Variants in TMC1 observed in about 807,000 individuals in gnomAD.
TMC1 encodes transmembrane channel-like protein 1.
Under a neutral mutation model 105.8 loss-of-function variants are expected in TMC1, and 84 were observed. The observed-to-expected ratio is 0.79, with a 90% CI of 0.67 to 0.95. The LOEUF is 0.95. Ranked by LOEUF, TMC1 falls within the 40% of genes least tolerant of loss-of-function variation. The pLI is 0.00. For missense variants in TMC1, 817 were observed against 914.1 expected, an observed-to-expected ratio of 0.89 and a Z score of 1.37; for synonymous variants, 315 against 311.5, an observed-to-expected ratio of 1.01 and a Z score of -0.12.
rs11361430 is a variant in TMC1, at chr9:72,741,110, CTT to C, written c.453+912_453+913del. The C allele has an allele frequency of 1.3e-3, 193 of 151,268 alleles. 5 individuals are homozygous for C. The East Asian group carries it at 0.019, about 15-fold the overall frequency. 9.4% of individuals were successfully genotyped at this position (151,268 alleles called of 1,614,324 possible). A position where few individuals can be genotyped will look rare whatever the true frequency, so the allele number is the denominator to read the frequency against. ...TGGGCTGTTTCTAGTTATGAGTAAT[CTT>C]TTTTTTTTTTGTTCATTTTTAAAAT... On this transcript the variant is annotated intron_variant, in intron 9 of 23. Coordinates refer to ENST00000297784, the MANE Select transcript of TMC1 (RefSeq NM_138691.3).
At position 72,816,165 on chromosome 9, in the gene TMC1, T is replaced by A; in HGVS notation, c.1718T>A (p.Ile573Asn). The A allele has an allele frequency of 1.2e-6, 2 of 1,613,560 alleles. No individual in the cohort carries two copies. The highest frequency in any genetic ancestry group is 2.2e-5 in the South Asian group (2 of 91,080). ...YGYPSYTEFD[I>N]SGNVLALIFN... ...TAGCCTTCATACACCGAATTCGACA[T>A]CAGTGGCAACGTCCTCGCTCTGATC... The change falls in exon 19 of 24, where the codon ATC becomes AAC. Residue 573 changes from isoleucine to asparagine, a missense_variant. Transcript: ENST00000297784.
intron 8 of TMC1, among the ~76,000 whole-genome samples, chr9:72,719,696 A>G (rs1341115031): frequency 2.6e-5 from 4 of 152,194 alleles, no homozygotes; most frequent in Non-Finnish European, 5.9e-5. Context: ...GGGGGCTGCA[A>G]TTTAGTCCTG....
intron 2 of TMC1, among the ~76,000 whole-genome samples, chr9:72,595,309 C>T (rs954484076): frequency 9.9e-5 from 15 of 152,168 alleles, no homozygotes; most frequent in African/African-American, 3.1e-4. Flanking sequence ...TCATAGACCC[C>T]GACCAGCCTA....
intron 6 of TMC1, among the ~76,000 whole-genome samples, chr9:72,689,760 C>G (rs190070600): frequency 6.5e-4 from 99 of 152,146 alleles, no homozygotes; most frequent in Non-Finnish European, 9.9e-4. Flanking sequence ...TATAGCCACC[C>G]CTGTTCTTTT....
At chr9:72,749,736 C>T (rs925096876) in intron 10 of TMC1, among the ~76,000 whole-genome samples, 8 of 151,926 alleles carry the variant, frequency 5.3e-5, no homozygotes, top group Admixed American at 5.2e-4. Flanking sequence ...CCAAAATATC[C>T]ATTTAAAGAT....
chr9:72,551,809 C>G (rs1228990010), intron 1 of TMC1, among the ~76,000 whole-genome samples: 5 of 152,030 alleles, frequency 3.3e-5, no homozygotes, highest in African/African-American at 4.8e-5. Flanking sequence ...CCGGCATCCT[C>G]ATAAGAAGAG....
chr9:72,756,354 C>T (rs924987724), intron 12 of TMC1, among the ~76,000 whole-genome samples: 15 of 152,136 alleles, frequency 9.9e-5, no homozygotes, highest in South Asian at 6.2e-4. Flanking sequence ...GGGAACTGAG[C>T]AAGTGGTTCT....
At chr9:72,612,518 TG>T (rs1825049039) in intron 2 of TMC1, among the ~76,000 whole-genome samples, 1 of 152,004 alleles carries the variant, frequency 6.6e-6, no homozygotes, top group African/African-American at 2.4e-5. Context: ...TAAATATTTT[TG>T]ATCTGTGAGT....
At chr9:72,551,795 A>G (rs1373710825) in intron 1 of TMC1, among the ~76,000 whole-genome samples, 2 of 152,208 alleles carry the variant, frequency 1.3e-5, no homozygotes, top group South Asian at 2.1e-4. Flanking sequence ...CTGATCCAAT[A>G]TGGCCGGCAT....
intron 5 of TMC1, among the ~76,000 whole-genome samples, chr9:72,666,862 C>T (rs978202157): frequency 6.6e-5 from 10 of 151,606 alleles, no homozygotes; most frequent in African/African-American, 2.4e-4. Flanking sequence ...CCAGCCTGGG[C>T]AGCATAGGGA....
chr9:72,778,562 T>C lies in TMC1; in HGVS notation c.884+6007T>C, dbSNP rs138923855. 3.6e-4 allele frequency among the ~76,000 whole-genome samples: 55 copies of C among 152,268 alleles called. No homozygotes were observed. The East Asian group carries it at 0.01, about 28-fold the overall frequency. On this transcript the variant is annotated intron_variant, in intron 13 of 23. Coordinates refer to ENST00000297784, the MANE Select transcript of TMC1 (RefSeq NM_138691.3). ...AGTTGACAGGGACAGGACTGCAGAC[T>C]GTGTGGAGTTCAGAGGATTTGGCAA...
At chr9:72,728,707 C>T (rs1442338020) in intron 8 of TMC1, among the ~76,000 whole-genome samples, 3 of 152,028 alleles carry the variant, frequency 2.0e-5, no homozygotes, top group East Asian at 3.8e-4. Flanking sequence ...GTGCTGTGAC[C>T]AGTATTGTAG....
At chr9:72,756,966 T>C (rs909341404) in intron 12 of TMC1, among the ~76,000 whole-genome samples, 12 of 152,186 alleles carry the variant, frequency 7.9e-5, no homozygotes, top group African/African-American at 2.9e-4. Context: ...CCCAAGATTG[T>C]ATCACTGCCC....
intron 15 of TMC1, 51 bp from the exon 16 acceptor site, chr9:72,791,835 T>A (rs1408128130): frequency 6.5e-7 from 1 of 1,532,404 alleles, no homozygotes; most frequent in South Asian, 1.1e-5. Flanking sequence ...CAAAAAGCAA[T>A]AATAACTTTA....
At chr9:72,537,948 C>T (rs1296626665) in intron 1 of TMC1, among the ~76,000 whole-genome samples, 2 of 151,970 alleles carry the variant, frequency 1.3e-5, no homozygotes, top group South Asian at 2.1e-4. Flanking sequence ...CCTGGGCAAT[C>T]TGTTTGAGAT....
chr9:72,748,913 C>T (rs540186979), intron 10 of TMC1, among the ~76,000 whole-genome samples: 4 of 152,236 alleles, frequency 2.6e-5, no homozygotes, highest in South Asian at 2.1e-4. Context: ...TTCCTATAAT[C>T]GTTCTAGTTT....
chr9:72,835,836 C>T, intron 23 of TMC1, 115 bp from the exon 24 acceptor site: 1 of 1,162,726 alleles, frequency 8.6e-7, no homozygotes, highest in Non-Finnish European at 1.2e-6. Context: ...GATTTCTGGC[C>T]ACCTCATTCA....
chr9:72,650,951 A>G (rs892114291), intron 5 of TMC1, among the ~76,000 whole-genome samples: 6 of 103,560 alleles, frequency 5.8e-5, no homozygotes, highest in African/African-American at 2.3e-4. Context: ...TATATGTCAC[A>G]TATATATATC....
At chr9:72,687,462 T>G (rs1354274453) in intron 5 of TMC1, among the ~76,000 whole-genome samples, 2 of 152,196 alleles carry the variant, frequency 1.3e-5, no homozygotes, top group African/African-American at 2.4e-5. Flanking sequence ...CTTTCAGTAG[T>G]GACATAAAGA....
Sources: gnomAD v4.1 joint callset for allele counts (sites outside exome capture counted in the v4.1 genomes callset) on GRCh38, gnomAD v4.1.1 for gene constraint, MANE v1.5 for transcripts, NCBI Gene and HGNC (gene_info 2026-07-23, HGNC 2026-07-21) for gene names.